Variants in LRRFIP2 observed in about 807,000 individuals in gnomAD.
LRRFIP2 encodes LRR binding FLII interacting protein 2.
LRRFIP2 carries 109 observed loss-of-function variants against 125.9 expected under a neutral mutation model. The observed-to-expected ratio is 0.87, with a 90% CI of 0.74 to 1.01. The LOEUF (loss-of-function observed/expected upper bound fraction) is 1.01. Among genes scored for constraint, LRRFIP2 ranks in the 50% least tolerant of loss-of-function variants. LRRFIP2 has a pLI of 0.00. For synonymous variants in LRRFIP2, 291 were observed against 293.1 expected (o/e 0.99, Z 0.07); for missense variants, 850 against 862.3 (o/e 0.99, Z 0.18).
At chr3:37,115,153 G>T in intron 6 of LRRFIP2, 58 bp from the exon 7 acceptor site, 1 of 1,193,606 alleles carries the variant, frequency 8.4e-7, no homozygotes, top group South Asian at 1.4e-5. Context: ...ATATAAAGAA[G>T]AGAAGAAGTA....
At chr3:37,090,018 G>C (rs2093335999) in intron 18 of LRRFIP2, among the ~76,000 whole-genome samples, 1 of 152,128 alleles carries the variant, frequency 6.6e-6, no homozygotes. Context: ...TTTGGGTCCT[G>C]AGTCTTACTC....
At chr3:37,118,609 T>C (rs913605492) in intron 6 of LRRFIP2, among the ~76,000 whole-genome samples, 7 of 152,380 alleles carry the variant, frequency 4.6e-5, no homozygotes, top group East Asian at 1.9e-4. Flanking sequence ...ATAATGTCTA[T>C]AGCACTGACA....
Position 37,058,911 on chromosome 3 carries a change from C to T in LRRFIP2, c.1750-1G>A. Reference sequence around the variant, plus strand: ...CTAACTGAAGCTTCAGTTTTCTAATCTGAAATGAAAATAAAGGTTCATCAG... The same window carrying T: ...CTAACTGAAGCTTCAGTTTTCTAATTTGAAATGAAAATAAAGGTTCATCAG... On this transcript the variant is annotated splice_acceptor_variant, in intron 24 of 27. Transcript: ENST00000336686. LOFTEE classifies it high-confidence loss of function. 1 of 1,613,710 alleles carries T rather than the reference C, an allele frequency of 6.2e-7. No individual in the cohort carries two copies. The highest frequency in any genetic ancestry group is 8.5e-7 in the Non-Finnish European group (1 of 1,179,872).
chr3:37,063,825 T>C (rs1464522761), intron 23 of LRRFIP2, 34 bp from the exon 24 acceptor site: 3 of 1,501,992 alleles, frequency 2.0e-6, no homozygotes, highest in Non-Finnish European at 2.8e-6. Flanking sequence ...AAACTAAATA[T>C]GTGATGATAT....
Position 37,053,349 on chromosome 3 carries a change from A to AC in LRRFIP2, c.*501dup. The AC allele has an allele frequency of 6.6e-6, 1 of 152,642 alleles. No individual in the cohort carries two copies. Among genetic ancestry groups the AC allele is most frequent in the Non-Finnish European group, 1.5e-5 (1 of 68,058 alleles). 9.5% of individuals were successfully genotyped at this position (152,642 alleles called of 1,614,324 possible). On this transcript the variant is annotated 3_prime_UTR_variant, in exon 28 of 28. Coordinates refer to ENST00000336686, the MANE Select transcript of LRRFIP2 (RefSeq NM_006309.4). ...AATCTGAGTGAAACATAGATTCCCC[A>AC]CCCGAGAACTTGTTTCTTCACTAAA...
chr3:37,131,138 T>C (rs1319658908), intron 2 of LRRFIP2, among the ~76,000 whole-genome samples: 2 of 152,102 alleles, frequency 1.3e-5, no homozygotes, highest in Non-Finnish European at 2.9e-5. Context: ...TTGGAATGTA[T>C]CTCCCATGGA....
chr3:37,152,053 C>T (rs1477757164), intron 1 of LRRFIP2, among the ~76,000 whole-genome samples: 1 of 151,958 alleles, frequency 6.6e-6, no homozygotes, highest in Non-Finnish European at 1.5e-5. Flanking sequence ...TGCAAAGATA[C>T]GGAAAAAACA....
intron 1 of LRRFIP2, among the ~76,000 whole-genome samples, chr3:37,164,405 C>G (rs1422094480): frequency 2.0e-5 from 3 of 152,140 alleles, no homozygotes; most frequent in Non-Finnish European, 4.4e-5. Context: ...ATTTTAATAA[C>G]ATTATTTTTT....
chr3:37,144,063 C>A (rs1377927560), intron 2 of LRRFIP2: 2 of 152,768 alleles, frequency 1.3e-5, no homozygotes, highest in Admixed American at 1.3e-4. Context: ...CTGCCTTTAC[C>A]CTGGGCACCC....
intron 1 of LRRFIP2, among the ~76,000 whole-genome samples, chr3:37,168,345 TAAAAC>T (rs2096538356): frequency 6.6e-6 from 1 of 152,190 alleles, no homozygotes; most frequent in Admixed American, 6.5e-5. Context: ...TTTTCAGCCT[TAAAAC>T]AAATGAAATT....
chr3:37,167,122 A>G (rs895278251), intron 1 of LRRFIP2, among the ~76,000 whole-genome samples: 2 of 150,330 alleles, frequency 1.3e-5, no homozygotes, highest in Admixed American at 6.7e-5. Context: ...ATTTTAGCCC[A>G]GGAGGTCGAG....
At position 37,159,906 on chromosome 3, in the gene LRRFIP2, A is replaced by G. The variant is rs762449633; in HGVS notation, c.-55-10868T>C. On this transcript the variant is annotated intron_variant, in intron 1 of 27. Transcript: ENST00000336686. Reference sequence around the variant, plus strand: ...GTTTTGACACAAAAATTAGCCAGGTATAGTGGCTCACACCTGTAGTCCCAG... The same window carrying G: ...GTTTTGACACAAAAATTAGCCAGGTGTAGTGGCTCACACCTGTAGTCCCAG... Among the ~76,000 whole-genome samples, 41 of 139,762 alleles carry G rather than the reference A, an allele frequency of 2.9e-4. 1 individual carries two copies. The highest frequency in any genetic ancestry group is 9.7e-4 in the Admixed American group (13 of 13,348). The allele number at this position is 139,762 out of a possible 152,430, so 91.7% of individuals were successfully genotyped here. A position where few individuals can be genotyped will look rare whatever the true frequency, so the allele number is the denominator to read the frequency against.
At chr3:37,151,691 G>A (rs1019820581) in intron 1 of LRRFIP2, among the ~76,000 whole-genome samples, 5 of 151,110 alleles carry the variant, frequency 3.3e-5, no homozygotes, top group Admixed American at 6.6e-5. Flanking sequence ...TCCGCCTCCC[G>A]GGTTCAAGCA....
intron 12 of LRRFIP2, 123 bp downstream of exon 12, chr3:37,108,514 A>C: frequency 1.4e-6 from 1 of 732,510 alleles, no homozygotes; most frequent in Non-Finnish European, 2.2e-6. Context: ...ATTCCAGGTC[A>C]GATTAAATGA....
At chr3:37,064,118 A>C in intron 23 of LRRFIP2, 1 of 272,586 alleles carries the variant, frequency 3.7e-6, no homozygotes, top group Non-Finnish European at 6.9e-6. Flanking sequence ...GACAACTCAA[A>C]TGTCAAGTGT....
chr3:37,163,400 T>C (rs757816773), intron 1 of LRRFIP2, among the ~76,000 whole-genome samples: 2 of 152,308 alleles, frequency 1.3e-5, no homozygotes, highest in African/African-American at 2.4e-5. Context: ...ACAAAACTGA[T>C]GTATACCACA....
At chr3:37,157,906 A>G (rs2096243833) in intron 1 of LRRFIP2, among the ~76,000 whole-genome samples, 1 of 152,244 alleles carries the variant, frequency 6.6e-6, no homozygotes, top group Non-Finnish European at 1.5e-5. Flanking sequence ...CATTTGTCCT[A>G]AGAATTATCA....
intron 7 of LRRFIP2, 143 bp from the exon 8 acceptor site, chr3:37,113,123 A>G (rs1165596164): frequency 2.0e-6 from 1 of 492,614 alleles, no homozygotes; most frequent in African/African-American, 1.9e-5. Context: ...AAAGGTTAGT[A>G]AACAATTCAC....
intron 2 of LRRFIP2, among the ~76,000 whole-genome samples, chr3:37,141,858 G>A (rs538459451): frequency 1.3e-5 from 2 of 152,276 alleles, no homozygotes; most frequent in Admixed American, 6.5e-5. Context: ...ACTGGCTCAC[G>A]ATCATAAGAT....
Sources: allele counts gnomAD v4.1 joint callset (sites outside exome capture counted in the v4.1 genomes callset), GRCh38; gene constraint gnomAD v4.1.1; transcripts MANE v1.5; gene names NCBI Gene and HGNC (gene_info 2026-07-23, HGNC 2026-07-21).